Variants in ZNF335 observed in about 807,000 individuals in gnomAD.
The protein encoded by ZNF335 is NRC-interacting factor 1.
ZNF335 carries 84 observed loss-of-function variants against 145.6 expected under a neutral mutation model. The observed-to-expected ratio is 0.58, with a 90% confidence interval of 0.48 to 0.69. ZNF335 has a LOEUF of 0.69. ZNF335 is among the 30% of genes least tolerant of loss of function. The pLI is 0.00. For missense variants in ZNF335, 1,865 were observed against 1,809.7 expected (o/e 1.03, Z -0.55); for synonymous variants, 761 against 717.0 (o/e 1.06, Z -0.98).
intron 3 of ZNF335, 34 bp from the exon 4 acceptor site, chr20:45,968,396 G>C: frequency 1.3e-6 from 2 of 1,590,962 alleles, no homozygotes; most frequent in Non-Finnish European, 8.6e-7. Flanking sequence ...ACACCTCCTG[G>C]GGAGGGGGTC....
intron 17 of ZNF335, 53 bp downstream of exon 17, chr20:45,957,533 G>A: frequency 6.4e-7 from 1 of 1,559,252 alleles, no homozygotes; most frequent in East Asian, 2.2e-5. Context: ...GTCCAGTGCA[G>A]GGCTGGGTAC....
At position 45,950,075 on chromosome 20, in the gene ZNF335, CAG is replaced by C. The variant is rs2083601437; in HGVS notation, c.3488-8_3488-7del. 1 of 1,613,014 alleles carries C rather than the reference CAG, an allele frequency of 6.2e-7. No homozygotes were observed. The highest frequency in any genetic ancestry group is 1.3e-5 in the African/African-American group (1 of 74,900). On this transcript the variant is annotated splice_polypyrimidine_tract_variant and splice_region_variant and intron_variant, in intron 22 of 27. Transcript: ENST00000322927. ...GTGACTGGACTGGAGTGCAGCTGGG[CAG>C]AGAGGAGAGGATGCTCACCTGGGGT...
chr20:45,953,566 T>A lies in ZNF335; in HGVS notation c.2702+123A>T, dbSNP rs1293647145. 4 of 1,301,164 alleles carry A rather than the reference T, an allele frequency of 3.1e-6. No homozygotes were observed. The East Asian group carries it at 9.5e-5, about 31-fold the overall frequency. 80.6% of individuals were successfully genotyped at this position (1,301,164 alleles called of 1,614,324 possible). Reference sequence around the variant, plus strand: ...TCCTGAGAAGGGTAGACTCCACCACTAATCACTTGATGTGTATTGGGATTT... The same window carrying A: ...TCCTGAGAAGGGTAGACTCCACCACAAATCACTTGATGTGTATTGGGATTT... On this transcript the variant is annotated intron_variant, in intron 18 of 27. Transcript: ENST00000322927.
At position 45,967,934 on chromosome 20, in the gene ZNF335, G is replaced by A. The variant is rs762787096; in HGVS notation, c.614C>T (p.Thr205Ile). Residue 205 changes from threonine (T) to isoleucine (I), a missense_variant, in exon 5 of 28, where the codon ACA (threonine) becomes ATA (isoleucine). Coordinates refer to ENST00000322927, the MANE Select transcript of ZNF335 (RefSeq NM_022095.4). ...GGGCCCACCCTGTGCCTCCAGGCAT[G>A]TGGATGTGGATGTGGGGCCATCTGC... is the stretch of plus-strand genomic sequence containing the variant. ...ALADGPTSTSTCLEAQGGPSS... is the reference protein window; with the variant it reads ...ALADGPTSTSICLEAQGGPSS... 44 of 1,607,784 alleles carry A rather than the reference G, an allele frequency of 2.7e-5. 1 individual carries two copies. The highest frequency in any genetic ancestry group is 1.3e-4 in the South Asian group (12 of 90,844).
chr20:45,965,804 T>G, intron 6 of ZNF335, 30 bp from the exon 7 acceptor site: 1 of 1,585,552 alleles, frequency 6.3e-7, no homozygotes, highest in Non-Finnish European at 8.6e-7. Context: ...TGGTGAACAG[T>G]GAGTGGCGGG....
intron 16 of ZNF335, 45 bp downstream of exon 16, chr20:45,957,790 A>T (rs1289816518): frequency 1.2e-6 from 2 of 1,609,358 alleles, no homozygotes; most frequent in East Asian, 2.2e-5. Flanking sequence ...TGCCCAACTC[A>T]GAGGTCCTAC....
rs780877192 is a variant in ZNF335 at position 45,950,608 on chromosome 20, C to A, written c.3190-13G>T. 6.2e-7 allele frequency: 1 copy of A among 1,613,608 alleles called. No individual in the cohort carries two copies. Among genetic ancestry groups the A allele is most frequent in the East Asian group, 2.2e-5 (1 of 44,874 alleles). Reference sequence around the variant, plus strand: ...GTGCCATGTGCGCCTGCAGAGAGGGCAGAGTTGGGGGCATTGGCTGGGTCA... The same window carrying A: ...GTGCCATGTGCGCCTGCAGAGAGGGAAGAGTTGGGGGCATTGGCTGGGTCA... On this transcript the variant is annotated splice_polypyrimidine_tract_variant and intron_variant, in intron 20 of 27. Coordinates refer to ENST00000322927, the MANE Select transcript of ZNF335 (RefSeq NM_022095.4).
At chr20:45,972,037 G>A (rs1320086261) in intron 1 of ZNF335, 85 bp downstream of exon 1, 1 of 1,249,466 alleles carries the variant, frequency 8.0e-7, no homozygotes, top group Non-Finnish European at 1.0e-6. Flanking sequence ...CGCCGGCCTG[G>A]GACCTCGCCT....
At chr20:45,956,615 A>G (rs2083733460) in intron 17 of ZNF335, among the ~76,000 whole-genome samples, 1 of 152,166 alleles carries the variant, frequency 6.6e-6, no homozygotes. Flanking sequence ...ACAAATCAAT[A>G]GAACAGAACT....
chr20:45,967,652 G>A lies in ZNF335; in HGVS notation c.815-18C>T. 1 of 1,613,274 alleles carries A rather than the reference G, an allele frequency of 6.2e-7. No individual in the cohort carries two copies. Among genetic ancestry groups the A allele is most frequent in the Non-Finnish European group, 8.5e-7 (1 of 1,179,664 alleles). ...TGCTGCTACTGGAAGTGGAGGGAGG[G>A]TAAGACAAGCTTGCCATGTCTGGCT... On this transcript the variant is annotated intron_variant, in intron 5 of 27. Transcript: ENST00000322927.
chr20:45,971,615 G>T, intron 1 of ZNF335, 155 bp from the exon 2 acceptor site: 2 of 985,500 alleles, frequency 2.0e-6, no homozygotes, highest in Non-Finnish European at 1.2e-6. Flanking sequence ...AGGGGAGCTC[G>T]GGAAAAACTT....
chr20:45,967,889 GGCAGCT>G lies in ZNF335; in HGVS notation c.653_658del (p.Gln218_Leu219del). The G allele has an allele frequency of 3.7e-6, 6 of 1,612,668 alleles. No individual in the cohort carries two copies. Among genetic ancestry groups the G allele is most frequent in the Non-Finnish European group, 5.1e-6 (6 of 1,179,632 alleles). On this transcript the variant is annotated inframe_deletion, in exon 5 of 28. Coordinates refer to ENST00000322927, the MANE Select transcript of ZNF335 (RefSeq NM_022095.4). ...CGGCTCTTCGGCACCGGAGGCTGGG[GGCAGCT>G]GCACCGGGGAGCTGGGCCCACCCTG...
At chr20:45,961,151 A>T (rs950988157) in intron 10 of ZNF335, among the ~76,000 whole-genome samples, 2 of 152,202 alleles carry the variant, frequency 1.3e-5, no homozygotes, top group Admixed American at 6.5e-5. Flanking sequence ...TAAAAGCTCT[A>T]AGGATCAGTT....
chr20:45,950,144 G>A, intron 22 of ZNF335, 75 bp from the exon 23 acceptor site: 10 of 1,595,810 alleles, frequency 6.3e-6, no homozygotes, highest in Non-Finnish European at 8.5e-6. Flanking sequence ...TGTACCCAGT[G>A]GTGCCTTTTG....
At chr20:45,962,242 C>T (rs1600537878) in intron 9 of ZNF335, 60 bp from the exon 10 acceptor site, 2 of 1,351,366 alleles carry the variant, frequency 1.5e-6, no homozygotes, top group East Asian at 2.3e-5. Flanking sequence ...ATCCCCGTCC[C>T]CACCATGCCT....
At position 45,972,190 on chromosome 20, in the gene ZNF335, C is replaced by T. The variant is rs1483872927; in HGVS notation, c.-119G>A. 3.1e-6 allele frequency: 4 copies of T among 1,289,626 alleles called. No homozygotes were observed. The highest frequency in any genetic ancestry group is 1.5e-5 in the African/African-American group (1 of 65,982). The allele number at this position is 1,289,626 out of a possible 1,614,324, so 79.9% of individuals were successfully genotyped here. ...CGAGGTCGCCATCCTCTTTCCTCCG[C>T]TGCGGAGGAACCCATCGGCCTATTG... On this transcript the variant is annotated 5_prime_UTR_variant, in exon 1 of 28. Coordinates refer to ENST00000322927, the MANE Select transcript of ZNF335 (RefSeq NM_022095.4).
chr20:45,957,761 C>A, intron 16 of ZNF335, 74 bp downstream of exon 16: 1 of 1,605,448 alleles, frequency 6.2e-7, no homozygotes, highest in Non-Finnish European at 8.5e-7. Flanking sequence ...TTCCAGCCCC[C>A]ACCAGCACGA....
At position 45,952,493 on chromosome 20, in the gene ZNF335, G is replaced by A; in HGVS notation, c.2843C>T (p.Pro948Leu). The A allele has an allele frequency of 4.5e-6, 7 of 1,568,926 alleles. No homozygotes were observed. The highest frequency in any genetic ancestry group is 6.1e-6 in the Non-Finnish European group (7 of 1,153,310). The change falls in exon 20 of 28, where the codon CCA becomes CTA. Residue 948 changes from proline to leucine, a missense_variant. Coordinates refer to ENST00000322927, the MANE Select transcript of ZNF335 (RefSeq NM_022095.4). ...ACCAGAGGCCAGAGCATCTGGACTTGGGAAGGAGATGGAGCCATCTGCGGT... is the reference window on the plus strand; with the variant it reads ...ACCAGAGGCCAGAGCATCTGGACTTAGGAAGGAGATGGAGCCATCTGCGGT... ...ELTADGSISF[P>L]SPDALASGAK... is the part of the protein sequence containing the mutation.
Position 45,949,979 on chromosome 20 carries a change from G to A in ZNF335, c.3578C>T (p.Thr1193Ile), listed in dbSNP as rs747489304. 3.1e-6 allele frequency: 5 copies of A among 1,614,020 alleles called. No homozygotes were observed. The South Asian group carries it at 4.4e-5, about 14-fold the overall frequency. The change falls in exon 23 of 28, where the codon ACA becomes ATA. Residue 1193 changes from threonine (T) to isoleucine (I), a missense_variant. Physicochemically the swap from Thr to Ile is moderately conservative, Grantham distance 89 (BLOSUM62 -1). Coordinates refer to ENST00000322927, the MANE Select transcript of ZNF335 (RefSeq NM_022095.4). The part of the protein sequence containing the change: ...QEHIIVAQEQ[T>I]VTNQEEAAYI... ...CCTGACTCTTACCTGATTGGTCACT[G>A]TCTGTTCCTGGGCAACGATGATGTG...
Sources: allele counts gnomAD v4.1 joint callset (sites outside exome capture counted in the v4.1 genomes callset), GRCh38; gene constraint gnomAD v4.1.1; transcripts MANE v1.5; gene names NCBI Gene and HGNC (gene_info 2026-07-23, HGNC 2026-07-21).